CERS6: variants seen among roughly 807,000 people sequenced by gnomAD.
CERS6 encodes ceramide synthase 6, also known as LAG1 homolog, ceramide synthase 6.
Under a neutral mutation model 56.8 loss-of-function variants are expected in CERS6, and 26 were observed. That is an observed-to-expected ratio of 0.46 (90% CI 0.34 to 0.63). The LOEUF (loss-of-function observed/expected upper bound fraction) is 0.63, where lower values mean the gene tolerates loss of function less well. Ranked by LOEUF, CERS6 falls within the 30% of genes least tolerant of loss-of-function variation. The pLI is 0.01. For synonymous variants in CERS6, 164 were observed against 173.3 expected (o/e 0.95, Z 0.42); for missense variants, 415 against 467.5 (o/e 0.89, Z 1.04).
intron 1 of CERS6, among the ~76,000 whole-genome samples, chr2:168,501,485 C>A (rs1312920829): frequency 6.6e-6 from 1 of 152,148 alleles, no homozygotes; most frequent in African/African-American, 2.4e-5. Context: ...CTTTTATGAG[C>A]CCCTGGCAAT....
At chr2:168,557,603 C>G (rs1347025579) in intron 2 of CERS6, among the ~76,000 whole-genome samples, 4 of 152,108 alleles carry the variant, frequency 2.6e-5, no homozygotes, top group African/African-American at 9.7e-5. Flanking sequence ...AAGTTAGATT[C>G]ATTCCTCCTA....
intron 1 of CERS6, among the ~76,000 whole-genome samples, chr2:168,476,483 TGATA>T (rs1251634005): frequency 2.0e-5 from 3 of 152,050 alleles, no homozygotes; most frequent in Non-Finnish European, 4.4e-5. Context: ...GATAGATAGA[TGATA>T]GATAGATAAA....
rs34492119 is a variant in CERS6 at position 168,484,167 on chromosome 2, G to GTTTTTTTTTT, written c.170+27571_170+27580dup. Among the ~76,000 whole-genome samples the GTTTTTTTTTT allele has an allele frequency of 2.5e-4, 13 of 51,610 alleles. 1 individual carries two copies. The highest frequency in any genetic ancestry group is 1.0e-3 in the South Asian group (1 of 974). 33.9% of individuals were successfully genotyped at this position (51,610 alleles called of 152,430 possible). On this transcript the variant is annotated intron_variant, in intron 1 of 9. Transcript: ENST00000305747. ...TTTTCTTTTTCTTTTTCTTTTTTCT[G>GTTTTTTTTTT]TTTTTTTTTTTTTTTTTTTTTTTTT...
chr2:168,700,770 C>G (rs940045491), intron 6 of CERS6, among the ~76,000 whole-genome samples: 1 of 152,142 alleles, frequency 6.6e-6, no homozygotes, highest in East Asian at 1.9e-4. Flanking sequence ...CATAACCTAC[C>G]TTATGGGTGT....
chr2:168,752,008 G>A (rs2105446235), intron 8 of CERS6, among the ~76,000 whole-genome samples: 1 of 152,172 alleles, frequency 6.6e-6, no homozygotes, highest in Admixed American at 6.5e-5. Flanking sequence ...TTTGAGTGTA[G>A]GTACCTAGTC....
intron 3 of CERS6, among the ~76,000 whole-genome samples, chr2:168,623,683 T>G (rs1684525567): frequency 6.6e-6 from 1 of 152,066 alleles, no homozygotes; most frequent in Non-Finnish European, 1.5e-5. Context: ...AGCTGGTGAC[T>G]TTTAAGAACT....
At position 168,718,114 on chromosome 2, in the gene CERS6, T is replaced by G. The variant is rs1687272966; in HGVS notation, c.845+136T>G. On this transcript the variant is annotated intron_variant, in intron 8 of 9. Transcript: ENST00000305747. Reference sequence around the variant, plus strand: ...GGGGAGGGGAAATACCTCAAGAAGCTGCTTGATTTCTTCTTCCAGAAGAGG... The same window carrying G: ...GGGGAGGGGAAATACCTCAAGAAGCGGCTTGATTTCTTCTTCCAGAAGAGG... 4.9e-6 allele frequency: 3 copies of G among 615,806 alleles called. No individual in the cohort carries two copies. In the African/African-American group the frequency reaches 5.6e-5, roughly 12 times the overall value. The allele number at this position is 615,806 out of a possible 1,614,324, so 38.1% of individuals were successfully genotyped here.
At chr2:168,667,698 G>C (rs1169556121) in intron 4 of CERS6, among the ~76,000 whole-genome samples, 2 of 152,080 alleles carry the variant, frequency 1.3e-5, no homozygotes, top group African/African-American at 2.4e-5. Flanking sequence ...GGAAAATGGA[G>C]GAAGCAAAAA....
At chr2:168,750,991 A>G (rs1368124429) in intron 8 of CERS6, among the ~76,000 whole-genome samples, 1 of 152,174 alleles carries the variant, frequency 6.6e-6, no homozygotes, top group Non-Finnish European at 1.5e-5. Context: ...TTGATTACCA[A>G]ATATTTAACC....
chr2:168,537,816 A>C (rs747766162), intron 1 of CERS6, among the ~76,000 whole-genome samples: 15 of 152,180 alleles, frequency 9.9e-5, no homozygotes, highest in Non-Finnish European at 2.1e-4. Context: ...AGCATATCCA[A>C]CTGCCTACTG....
intron 3 of CERS6, among the ~76,000 whole-genome samples, chr2:168,609,558 G>C (rs1279155263): frequency 2.0e-5 from 3 of 152,112 alleles, no homozygotes; most frequent in Non-Finnish European, 4.4e-5. Flanking sequence ...CAGCTCCTAT[G>C]TCCATGAGCT....
At chr2:168,609,905 G>C (rs574722592) in intron 3 of CERS6, among the ~76,000 whole-genome samples, 1 of 151,058 alleles carries the variant, frequency 6.6e-6, no homozygotes, top group Non-Finnish European at 1.5e-5. Context: ...ACTAGGGCAG[G>C]TTGACCTTGA....
At chr2:168,469,980 G>C (rs1477693384) in intron 1 of CERS6, among the ~76,000 whole-genome samples, 1 of 152,110 alleles carries the variant, frequency 6.6e-6, no homozygotes, top group African/African-American at 2.4e-5. Flanking sequence ...TGGAACCCTA[G>C]CAGTGCCATT....
Position 168,691,014 on chromosome 2 carries a change from T to C in CERS6, c.466-20T>C. 1 of 1,608,332 alleles carries C rather than the reference T, an allele frequency of 6.2e-7. No individual in the cohort carries two copies. Among genetic ancestry groups the C allele is most frequent in the Non-Finnish European group, 8.5e-7 (1 of 1,174,966 alleles). On this transcript the variant is annotated intron_variant, in intron 4 of 9. Transcript: ENST00000305747. Reference sequence around the variant, plus strand: ...TCCATGTTCTAAAATATGTAAAATATTTTTTGTCATTTTTTTCAGACCCCC... The same window carrying C: ...TCCATGTTCTAAAATATGTAAAATACTTTTTGTCATTTTTTTCAGACCCCC...
At chr2:168,712,361 A>T (rs183826525) in intron 6 of CERS6, among the ~76,000 whole-genome samples, 39 of 152,318 alleles carry the variant, frequency 2.6e-4, no homozygotes, top group African/African-American at 9.1e-4. Flanking sequence ...ATGTTGTAGG[A>T]TGGAGTTTAT....
chr2:168,718,553 C>T (rs1687284191), intron 8 of CERS6, among the ~76,000 whole-genome samples: 1 of 152,168 alleles, frequency 6.6e-6, no homozygotes, highest in Non-Finnish European at 1.5e-5. Context: ...AGCTGTATAC[C>T]TTTCTAACCA....
chr2:168,768,678 G>C (rs977920411), intron 9 of CERS6, among the ~76,000 whole-genome samples: 8 of 151,940 alleles, frequency 5.3e-5, no homozygotes, highest in Non-Finnish European at 1.0e-4. Flanking sequence ...GGTCAAGGCA[G>C]GTGGATCACC....
chr2:168,685,874 C>T (rs1039825868), intron 4 of CERS6, among the ~76,000 whole-genome samples: 9 of 151,590 alleles, frequency 5.9e-5, no homozygotes, highest in African/African-American at 2.2e-4. Flanking sequence ...TGAAAAATCC[C>T]GTTATACATT....
intron 1 of CERS6, among the ~76,000 whole-genome samples, chr2:168,513,830 T>C (rs1205205849): frequency 6.6e-6 from 1 of 152,202 alleles, no homozygotes; most frequent in African/African-American, 2.4e-5. Flanking sequence ...CTCCTGAGGC[T>C]GTTGGAACTG....
Sources: gnomAD v4.1 joint callset for allele counts (sites outside exome capture counted in the v4.1 genomes callset) on GRCh38, gnomAD v4.1.1 for gene constraint, MANE v1.5 for transcripts, NCBI Gene and HGNC (gene_info 2026-07-23, HGNC 2026-07-21) for gene names.